NCOR1: variants seen among roughly 807,000 people sequenced by gnomAD.
The protein encoded by NCOR1 is protein phosphatase 1, regulatory subunit 109.
Under a neutral mutation model 288.1 loss-of-function variants are expected in NCOR1, and 63 were observed. The ratio of observed to expected loss-of-function variants is 0.22; its 90% CI spans 0.18 to 0.27. The LOEUF is 0.27. NCOR1 is among the 10% of genes least tolerant of loss of function. The probability of loss-of-function intolerance (pLI) is 1.00; values close to 1 mark genes in which losing one functional copy is unlikely to be tolerated. For missense variants in NCOR1, 2,397 were observed against 3,019.2 expected (o/e 0.79, Z 4.83); for synonymous variants, 1,007 against 1,065.9 (o/e 0.94, Z 1.08).
intron 22 of NCOR1, 95 bp from the exon 23 acceptor site, chr17:16,086,537 A>G: frequency 1.8e-6 from 2 of 1,122,376 alleles, no homozygotes; most frequent in Non-Finnish European, 2.5e-6. Context: ...TTAAATCACT[A>G]ATTAAAAAAT....
rs761557195 is a variant in NCOR1, at chr17:16,119,490, A to C, written c.1853-5T>G. 77 of 1,591,162 alleles carry C rather than the reference A, an allele frequency of 4.8e-5. No individual in the cohort carries two copies. Among genetic ancestry groups the C allele is most frequent in the Non-Finnish European group, 6.2e-5 (73 of 1,168,718 alleles). ...TCTCCACAGGCTCTGTAGAAACTAA[A>C]ATAAAGAGAGAACCCAATCAGGCAG... On this transcript the variant is annotated splice_region_variant and splice_polypyrimidine_tract_variant and intron_variant, in intron 16 of 45. Transcript: ENST00000268712.
intron 22 of NCOR1, among the ~76,000 whole-genome samples, chr17:16,086,781 T>C (rs947747641): frequency 3.3e-5 from 5 of 152,212 alleles, no homozygotes; most frequent in African/African-American, 7.2e-5. Context: ...AAACAGCTGA[T>C]AACACTACTT....
At position 16,116,947 on chromosome 17, in the gene NCOR1, T is replaced by C. The variant is rs1015198509; in HGVS notation, c.2055+941A>G. 2.0e-5 allele frequency among the ~76,000 whole-genome samples: 3 copies of C among 152,210 alleles called. No homozygotes were observed. In the East Asian group the frequency reaches 5.8e-4, roughly 29 times the overall value. On this transcript the variant is annotated intron_variant, in intron 18 of 45. Coordinates refer to ENST00000268712, the MANE Select transcript of NCOR1 (RefSeq NM_006311.4). ...ATCAGCAATTTTATCTACCACAGCT[T>C]TGACACCATAAATGCAAATGTCATA...
Position 16,101,864 on chromosome 17 carries a change from G to A in NCOR1, c.2183-107C>T, listed in dbSNP as rs995518577. The stretch of plus-strand genomic sequence containing the variant: ...AATGAACATGTTTCAGGTGGTGATA[G>A]AAACCATGTTTGAAAGTAGTTGTTT... On this transcript the variant is annotated intron_variant, in intron 19 of 45. Coordinates refer to ENST00000268712, the MANE Select transcript of NCOR1 (RefSeq NM_006311.4). 5 of 1,389,296 alleles carry A rather than the reference G, an allele frequency of 3.6e-6. No individual in the cohort carries two copies. The African/African-American group carries it at 5.7e-5, about 16-fold the overall frequency. 86.1% of individuals were successfully genotyped at this position (1,389,296 alleles called of 1,614,324 possible).
chr17:16,074,070 G>A (rs2062084727), intron 27 of NCOR1, among the ~76,000 whole-genome samples: 2 of 152,166 alleles, frequency 1.3e-5, no homozygotes, highest in East Asian at 1.9e-4. Flanking sequence ...ACAGAGAAAG[G>A]TACAATAAAA....
intron 11 of NCOR1, among the ~76,000 whole-genome samples, chr17:16,141,613 A>G (rs145936946): frequency 2.0e-5 from 3 of 152,212 alleles, no homozygotes; most frequent in African/African-American, 4.8e-5. Flanking sequence ...CCTACAACAT[A>G]TATCAACACA....
intron 32 of NCOR1, among the ~76,000 whole-genome samples, chr17:16,066,148 T>G (rs1023450892): frequency 6.6e-6 from 1 of 152,192 alleles, no homozygotes; most frequent in Non-Finnish European, 1.5e-5. Flanking sequence ...GTCCATGTGT[T>G]TGGAGCAGAG....
At position 16,137,256 on chromosome 17, in the gene NCOR1, G is replaced by C. The variant is rs143211549; in HGVS notation, c.1509+55C>G. ...CAGGACTTCTGTTTTAACACTTTTT[G>C]CTTGCCTATTTCCCCCAATCCTGAA... On this transcript the variant is annotated intron_variant, in intron 14 of 45. Transcript: ENST00000268712. 2.6e-3 allele frequency: 3,007 copies of C among 1,136,228 alleles called. 59 individuals carry two copies. The African/African-American group carries it at 0.039, about 15-fold the overall frequency. 70.4% of individuals were successfully genotyped at this position (1,136,228 alleles called of 1,614,324 possible).
At chr17:16,088,906 G>A (rs56724668) in intron 22 of NCOR1, among the ~76,000 whole-genome samples, 1 of 152,132 alleles carries the variant, frequency 6.6e-6, no homozygotes, top group African/African-American at 2.4e-5. Flanking sequence ...TCAAGACGAT[G>A]GTACTTTTTC....
At chr17:16,173,000 G>A (rs901057520) in intron 3 of NCOR1, among the ~76,000 whole-genome samples, 3 of 151,776 alleles carry the variant, frequency 2.0e-5, no homozygotes, top group Non-Finnish European at 2.9e-5. Flanking sequence ...GCCCCATCTC[G>A]GCTCACTGCA....
In NCOR1 at chr17:16,122,896, A is replaced by T. The variant is rs1240931920; in HGVS notation, c.1635-1627T>A. Among the ~76,000 whole-genome samples, 3 of 152,136 alleles carry T rather than the reference A, an allele frequency of 2.0e-5. No individual in the cohort carries two copies. The East Asian group carries it at 5.8e-4, about 29-fold the overall frequency. ...AAGCAATTCTCCCACCTTGGCTGGG[A>T]TTACAGGAATGAGCCACTGTGCTGG... is the stretch of plus-strand genomic sequence containing the variant. On this transcript the variant is annotated intron_variant, in intron 15 of 45. Coordinates refer to ENST00000268712, the MANE Select transcript of NCOR1 (RefSeq NM_006311.4).
At chr17:16,159,896 T>C (rs1211550204) in intron 5 of NCOR1, among the ~76,000 whole-genome samples, 1 of 150,814 alleles carries the variant, frequency 6.6e-6, no homozygotes, top group Non-Finnish European at 1.5e-5. Flanking sequence ...TGGAGTGCAA[T>C]GGCGCTCACT....
intron 2 of NCOR1, among the ~76,000 whole-genome samples, chr17:16,187,875 G>C (rs569740778): frequency 6.6e-6 from 1 of 151,040 alleles, no homozygotes; most frequent in South Asian, 2.1e-4. Context: ...ACTCCAGCCT[G>C]GGTGACAGAG....
chr17:16,117,838 A>T, intron 18 of NCOR1, 50 bp downstream of exon 18: 1 of 1,573,714 alleles, frequency 6.4e-7, no homozygotes, highest in African/African-American at 1.4e-5. Flanking sequence ...CAACAACAAC[A>T]CTCTAAGTAA....
At chr17:16,105,406 G>C (rs1293594115) in intron 19 of NCOR1, among the ~76,000 whole-genome samples, 14 of 151,968 alleles carry the variant, frequency 9.2e-5, no homozygotes, top group African/African-American at 3.4e-4. Flanking sequence ...GACACAGCGA[G>C]ACCTCATCTC....
rs2152998794 is a variant in NCOR1 at position 16,101,675 on chromosome 17, G to A, written c.2265C>T (p.Pro755=). The part of the protein sequence containing the change: ...GNTEPAVELE[P]TTETAPSTSP... ...ATGTACTGGGTGCAGTTTCCGTGGT[G>A]GGCTCAAGCTCAACCGCAGGTTCTG... The change falls in exon 20 of 46, where the codon CCC becomes CCT. Residue 755 remains proline, a synonymous_variant. Transcript: ENST00000268712. 1 of 1,614,188 alleles carries A rather than the reference G, an allele frequency of 6.2e-7. No individual in the cohort carries two copies. Among genetic ancestry groups the A allele is most frequent in the African/African-American group, 1.3e-5 (1 of 75,040 alleles).
At chr17:16,071,265 G>GA (rs369346520) in intron 30 of NCOR1, 144 bp downstream of exon 30, 34,216 of 983,970 alleles carry the variant, frequency 0.035, no homozygotes, top group South Asian at 0.04. Flanking sequence ...GTCCACAGAG[G>GA]AAAAAAAAAA....
At position 16,122,110 on chromosome 17, in the gene NCOR1, G is replaced by A. The variant is rs1047688070; in HGVS notation, c.1635-841C>T. Among the ~76,000 whole-genome samples the A allele has an allele frequency of 2.6e-5, 4 of 152,156 alleles. No individual in the cohort carries two copies. In the South Asian group the frequency reaches 6.2e-4, roughly 24 times the overall value. The stretch of plus-strand genomic sequence containing the variant: ...CTCAGGATATAAAGTGCTTACCATC[G>A]TCTCAGGCATGTAGAAACATGGTGG... On this transcript the variant is annotated intron_variant, in intron 15 of 45. Coordinates refer to ENST00000268712, the MANE Select transcript of NCOR1 (RefSeq NM_006311.4).
At chr17:16,081,170 T>C (rs184193311) in intron 23 of NCOR1, among the ~76,000 whole-genome samples, 7 of 148,486 alleles carry the variant, frequency 4.7e-5, no homozygotes, top group African/African-American at 1.8e-4. Context: ...AGAATCAACC[T>C]TTTTTTTTCT....
Sources: gnomAD v4.1 joint callset for allele counts (sites outside exome capture counted in the v4.1 genomes callset) on GRCh38, gnomAD v4.1.1 for gene constraint, MANE v1.5 for transcripts, NCBI Gene and HGNC (gene_info 2026-07-23, HGNC 2026-07-21) for gene names.